Variants in SLC35D2 observed in about 807,000 individuals in gnomAD.
SLC35D2 encodes the protein solute carrier family 35 member D2, also known as nucleotide sugar transporter SLC35D2.
A neutral mutation model predicts 41.8 loss-of-function variants in SLC35D2; 43 were observed. The observed-to-expected ratio is 1.03, with a 90% CI of 0.81 to 1.33. SLC35D2 has a LOEUF of 1.33. Among genes scored for constraint, SLC35D2 ranks in the 40% most tolerant of loss-of-function variants. SLC35D2 has a pLI of 0.00. For missense variants in SLC35D2, 380 were observed against 408.4 expected (o/e 0.93, Z 0.60); for synonymous variants, 150 against 163.9 (o/e 0.92, Z 0.65).
At chr9:96,335,912 G>C (rs992688657) in intron 9 of SLC35D2, among the ~76,000 whole-genome samples, 4 of 152,016 alleles carry the variant, frequency 2.6e-5, no homozygotes, top group African/African-American at 9.7e-5. Flanking sequence ...AATTAGCCAA[G>C]TGTGGTGGTG....
At chr9:96,319,960 G>A (rs540590635), downstream of SLC35D2, among the ~76,000 whole-genome samples, 18 of 152,264 alleles carry the variant, frequency 1.2e-4, no homozygotes, top group African/African-American at 4.3e-4. Flanking sequence ...CTTGGGAAAG[G>A]TCTCCCGAGT....
intron 4 of SLC35D2, among the ~76,000 whole-genome samples, chr9:96,353,946 C>T (rs1214354620): frequency 6.6e-6 from 1 of 152,148 alleles, no homozygotes; most frequent in Non-Finnish European, 1.5e-5. Flanking sequence ...GCCACCCATA[C>T]CCCAGCACAG....
At chr9:96,358,945 C>T (rs1176040898) in intron 4 of SLC35D2, among the ~76,000 whole-genome samples, 4 of 151,874 alleles carry the variant, frequency 2.6e-5, no homozygotes, top group Admixed American at 2.6e-4. Context: ...CACATCACTA[C>T]ACTCCAGCCT....
At chr9:96,322,833 C>T (rs1159124397) in intron 10 of SLC35D2, among the ~76,000 whole-genome samples, 1 of 149,218 alleles carries the variant, frequency 6.7e-6, no homozygotes, top group African/African-American at 2.5e-5. Context: ...ATTCTCCAGT[C>T]CAGCCTCCCA....
intron 6 of SLC35D2, among the ~76,000 whole-genome samples, chr9:96,349,532 CTT>C (rs112662298): frequency 6.8e-6 from 1 of 146,852 alleles, no homozygotes; most frequent in Non-Finnish European, 1.5e-5. Context: ...TTGTCAGTTC[CTT>C]TTTTTTTTTG....
chr9:96,317,509 C>T (rs1193318453), downstream of SLC35D2, among the ~76,000 whole-genome samples: 1 of 152,180 alleles, frequency 6.6e-6, no homozygotes, highest in African/African-American at 2.4e-5. Context: ...TTCAACCCAG[C>T]TCCTAGGGCT....
chr9:96,316,084 G>A (rs1218735194), downstream of SLC35D2, among the ~76,000 whole-genome samples: 2 of 152,178 alleles, frequency 1.3e-5, no homozygotes, highest in South Asian at 2.1e-4. Context: ...ACATTCAAAT[G>A]GAAAGAAATG....
intron 1 of SLC35D2, among the ~76,000 whole-genome samples, chr9:96,378,124 T>C (rs867213015): frequency 1.3e-5 from 2 of 152,108 alleles, no homozygotes; most frequent in South Asian, 2.1e-4. Context: ...TTAAGACTAC[T>C]GGGCAGGTTT....
At chr9:96,342,434 G>A (rs1042222818) in intron 8 of SLC35D2, among the ~76,000 whole-genome samples, 2 of 152,114 alleles carry the variant, frequency 1.3e-5, no homozygotes, top group African/African-American at 4.8e-5. Context: ...CTGGCCAAGA[G>A]TTCATAATTT....
At position 96,345,320 on chromosome 9, in the gene SLC35D2, G is replaced by A. The variant is rs1419633884; in HGVS notation, c.570C>T (p.Thr190=). The change falls in exon 7 of 12, where the codon ACC becomes ACT. Residue 190 remains threonine, a synonymous_variant. Transcript: ENST00000253270. ...GTACCTTTGGGTCCATTTTCTGTTT[G>A]GTATAAACTCCATTTGCTGCTGTGA... ...DIFTAANGVY[T]KQKMDPKELG... is the part of the protein sequence containing the mutation. 1.2e-6 allele frequency: 2 copies of A among 1,606,416 alleles called. No individual in the cohort carries two copies. The highest frequency in any genetic ancestry group is 1.6e-4 in the Middle Eastern group (1 of 6,076).
At chr9:96,373,700 AAAC>A (rs1316046703) in intron 1 of SLC35D2, among the ~76,000 whole-genome samples, 2 of 151,650 alleles carry the variant, frequency 1.3e-5, no homozygotes, top group East Asian at 3.9e-4. Flanking sequence ...AAAAAAAAAA[AAAC>A]AATTTGAGCT....
chr9:96,373,816 T>A (rs1004600629), intron 1 of SLC35D2, among the ~76,000 whole-genome samples: 2 of 152,190 alleles, frequency 1.3e-5, no homozygotes, highest in African/African-American at 4.8e-5. Flanking sequence ...TCTACGTTAA[T>A]TTTCCCTCAG....
Position 96,363,886 on chromosome 9 carries a change from C to T in SLC35D2, c.279+578G>A, listed in dbSNP as rs140225919. Among the ~76,000 whole-genome samples the T allele has an allele frequency of 2.2e-4, 33 of 152,262 alleles. No individual in the cohort carries two copies. In the East Asian group the frequency reaches 6.4e-3, roughly 29 times the overall value. On this transcript the variant is annotated intron_variant, in intron 3 of 11. Coordinates refer to ENST00000253270, the MANE Select transcript of SLC35D2 (RefSeq NM_007001.3). ...TCTGACCCTTTACCAAAAAAGTTTG[C>T]CAATGCCTAATTTAGAGTTCTCTCA...
At chr9:96,320,206 G>A (rs1357778990), downstream of SLC35D2, among the ~76,000 whole-genome samples, 1 of 152,212 alleles carries the variant, frequency 6.6e-6, no homozygotes, top group Non-Finnish European at 1.5e-5. Context: ...AAACAAACAG[G>A]TGAGCGCTTA....
chr9:96,366,361 A>G (rs887230021), intron 2 of SLC35D2, among the ~76,000 whole-genome samples: 1 of 151,716 alleles, frequency 6.6e-6, no homozygotes, highest in African/African-American at 2.4e-5. Flanking sequence ...ATATACTAAC[A>G]CTTAAATGTA....
intron 4 of SLC35D2, among the ~76,000 whole-genome samples, chr9:96,359,490 G>A (rs975611995): frequency 6.6e-6 from 1 of 151,802 alleles, no homozygotes; most frequent in African/African-American, 2.4e-5. Context: ...AGGAGTTCAA[G>A]ACAAGCCTGG....
chr9:96,370,664 TA>T (rs113625991), intron 1 of SLC35D2, among the ~76,000 whole-genome samples: 1 of 147,908 alleles, frequency 6.8e-6, no homozygotes, highest in African/African-American at 2.5e-5. Flanking sequence ...CTCCAAAAAA[TA>T]AAAAAAAATA....
chr9:96,358,556 CACA>C (rs1218507470), intron 4 of SLC35D2, among the ~76,000 whole-genome samples: 1 of 152,062 alleles, frequency 6.6e-6, no homozygotes, highest in African/African-American at 2.4e-5. Flanking sequence ...GATAGGAAAA[CACA>C]ACAACAAACA....
intron 3 of SLC35D2, among the ~76,000 whole-genome samples, chr9:96,361,155 C>A (rs1202213447): frequency 6.6e-6 from 1 of 152,146 alleles, no homozygotes; most frequent in African/African-American, 2.4e-5. Context: ...AACAGTTCAA[C>A]GATACATATT....
Sources: allele counts gnomAD v4.1 joint callset (sites outside exome capture counted in the v4.1 genomes callset), GRCh38; gene constraint gnomAD v4.1.1; transcripts MANE v1.5; gene names NCBI Gene and HGNC (gene_info 2026-07-23, HGNC 2026-07-21).